Variants in HDAC9 observed in about 807,000 individuals in gnomAD.
HDAC9 encodes histone deacetylase 9, also known as MEF-2 interacting transcription repressor (MITR) protein.
HDAC9 carries 41 observed loss-of-function variants against 139.4 expected under a neutral mutation model. The ratio of observed to expected loss-of-function variants is 0.29; its 90% CI spans 0.23 to 0.38. The LOEUF (loss-of-function observed/expected upper bound fraction) is 0.38, where lower values mean the gene tolerates loss of function less well. Ranked by LOEUF, HDAC9 falls within the 10% of genes least tolerant of loss-of-function variation. HDAC9 has a pLI of 1.00. For missense variants in HDAC9, 1,147 were observed against 1,297.0 expected, an observed-to-expected ratio of 0.88 and a Z score of 1.78; for synonymous variants, 517 against 476.2, an observed-to-expected ratio of 1.09 and a Z score of -1.12.
chr7:18,932,868 G>GAAAGAAAGAAAGAA (rs1295709562), intron 22 of HDAC9, among the ~76,000 whole-genome samples: 15 of 151,668 alleles, frequency 9.9e-5, no homozygotes, highest in Non-Finnish European at 7.4e-5. Context: ...AAGAAAGAAA[G>GAAAGAAAGAAAGAA]AAAGAAAGAA....
intron 1 of HDAC9, among the ~76,000 whole-genome samples, chr7:18,455,412 A>C (rs1266167286): frequency 6.6e-6 from 1 of 152,174 alleles, no homozygotes; most frequent in Non-Finnish European, 1.5e-5. Flanking sequence ...TCATTACACA[A>C]TTGAAGAATC....
intron 21 of HDAC9, among the ~76,000 whole-genome samples, chr7:18,871,090 C>T (rs1252655476): frequency 6.6e-6 from 1 of 152,138 alleles, no homozygotes. Flanking sequence ...TAAGAAAGAG[C>T]TGTTTTCTCT....
intron 1 of HDAC9, among the ~76,000 whole-genome samples, chr7:18,426,616 C>A (rs1330301234): frequency 6.6e-6 from 1 of 152,162 alleles, no homozygotes; most frequent in Non-Finnish European, 1.5e-5. Flanking sequence ...CCTCAGGCAT[C>A]TAATAGCCAA....
intron 12 of HDAC9, among the ~76,000 whole-genome samples, chr7:18,669,923 A>G (rs1049763150): frequency 3.3e-5 from 5 of 151,898 alleles, no homozygotes; most frequent in African/African-American, 1.2e-4. Flanking sequence ...TCTGAGAAAG[A>G]TAGTCTTCTA....
At chr7:18,906,205 C>T in intron 22 of HDAC9, among the ~76,000 whole-genome samples, 1 of 151,644 alleles carries the variant, frequency 6.6e-6, no homozygotes, top group East Asian at 1.9e-4. Flanking sequence ...TGTAGTGGCA[C>T]AATCTCAACT....
At chr7:18,355,089 A>G (rs996196374) in intron 1 of HDAC9, among the ~76,000 whole-genome samples, 1 of 152,244 alleles carries the variant, frequency 6.6e-6, no homozygotes, top group African/African-American at 2.4e-5. Flanking sequence ...AGTGATGATA[A>G]TTATCCTTGG....
intron 1 of HDAC9, among the ~76,000 whole-genome samples, chr7:18,317,833 C>G (rs1799764443): frequency 6.6e-6 from 1 of 152,132 alleles, no homozygotes; most frequent in Non-Finnish European, 1.5e-5. Flanking sequence ...CCAAAGTAGT[C>G]TAACAGAAAT....
At chr7:18,948,299 T>C (rs111696765) in intron 23 of HDAC9, among the ~76,000 whole-genome samples, 4 of 152,174 alleles carry the variant, frequency 2.6e-5, no homozygotes, top group African/African-American at 9.6e-5. Flanking sequence ...TGATTTGTAA[T>C]TGAGTATGAA....
At chr7:18,649,563 G>A (rs1053709669) in intron 11 of HDAC9, among the ~76,000 whole-genome samples, 1 of 152,152 alleles carries the variant, frequency 6.6e-6, no homozygotes, top group Non-Finnish European at 1.5e-5. Flanking sequence ...TTTGTTTACT[G>A]ATAAATGGAT....
chr7:18,105,596 T>A (rs1783139153), intron 1 of HDAC9, among the ~76,000 whole-genome samples: 1 of 148,650 alleles, frequency 6.7e-6, no homozygotes. Flanking sequence ...GGATTTCATC[T>A]ACATCTAGAT....
intron 1 of HDAC9, among the ~76,000 whole-genome samples, chr7:18,353,055 A>G (rs1381997267): frequency 6.6e-6 from 1 of 152,184 alleles, no homozygotes; most frequent in Non-Finnish European, 1.5e-5. Flanking sequence ...TCTCATAACC[A>G]TACTGACCTT....
At chr7:18,720,945 G>T (rs930974266) in intron 12 of HDAC9, among the ~76,000 whole-genome samples, 2 of 152,020 alleles carry the variant, frequency 1.3e-5, no homozygotes, top group Non-Finnish European at 2.9e-5. Flanking sequence ...CTCCCAAAGT[G>T]CTGCGATTAT....
chr7:18,908,646 T>G (rs1358340450), intron 22 of HDAC9, among the ~76,000 whole-genome samples: 1 of 152,134 alleles, frequency 6.6e-6, no homozygotes, highest in African/African-American at 2.4e-5. Flanking sequence ...TGTGCGGTAT[T>G]TATTTTTTTT....
intron 21 of HDAC9, among the ~76,000 whole-genome samples, chr7:18,839,092 A>C (rs1796422773): frequency 6.6e-6 from 1 of 152,072 alleles, no homozygotes; most frequent in African/African-American, 2.4e-5. Flanking sequence ...GGGTATACTT[A>C]AGATTCTTCA....
rs758994306 is a variant in HDAC9, at chr7:18,304,526, C to T, written c.-42+14011C>T. Among the ~76,000 whole-genome samples the T allele has an allele frequency of 4.7e-4, 71 of 152,018 alleles. 1 individual carries two copies. The highest frequency in any genetic ancestry group is 8.7e-4 in the Non-Finnish European group (59 of 68,012). On this transcript the variant is annotated intron_variant, in intron 1 of 3. Transcript: ENST00000413509. Reference sequence around the variant, plus strand: ...TAATGTGGGTTGTGTTTTGGGGACCCTCAGGCTATTTAGCAGGGGACACAG... The same window carrying T: ...TAATGTGGGTTGTGTTTTGGGGACCTTCAGGCTATTTAGCAGGGGACACAG...
intron 12 of HDAC9, among the ~76,000 whole-genome samples, chr7:18,706,508 G>C (rs572832514): frequency 1.4e-4 from 22 of 152,188 alleles, no homozygotes; most frequent in African/African-American, 4.1e-4. Context: ...TTCTTTATTT[G>C]ACATCATTTA....
intron 1 of HDAC9, among the ~76,000 whole-genome samples, chr7:18,390,142 T>C (rs971084647): frequency 6.7e-6 from 1 of 150,138 alleles, no homozygotes; most frequent in South Asian, 2.1e-4. Context: ...GGGTGAGAAC[T>C]GAACATTTAT....
At chr7:18,777,794 C>A (rs551719493) in intron 16 of HDAC9, among the ~76,000 whole-genome samples, 1 of 151,870 alleles carries the variant, frequency 6.6e-6, no homozygotes, top group African/African-American at 2.4e-5. Flanking sequence ...AGGTAAGGTG[C>A]CCTAGATTAG....
chr7:18,961,507 G>T (rs1783527109), intron 24 of HDAC9, among the ~76,000 whole-genome samples: 1 of 152,136 alleles, frequency 6.6e-6, no homozygotes, highest in Non-Finnish European at 1.5e-5. Context: ...AAGACACTTT[G>T]CTGATAGAAA....
Sources: allele counts gnomAD v4.1 joint callset (sites outside exome capture counted in the v4.1 genomes callset), GRCh38; gene constraint gnomAD v4.1.1; transcripts MANE v1.5; gene names NCBI Gene and HGNC (gene_info 2026-07-23, HGNC 2026-07-21).